Variants in ADAMTS5 observed in about 807,000 individuals in gnomAD.
The protein encoded by ADAMTS5 is A disintegrin and metalloproteinase with thrombospondin motifs 5.
ADAMTS5 carries 54 observed loss-of-function variants against 81.4 expected under a neutral mutation model. The observed-to-expected ratio is 0.66, with a 90% CI of 0.53 to 0.83. ADAMTS5 has a LOEUF of 0.83. Ranked by LOEUF, ADAMTS5 falls within the 40% of genes least tolerant of loss-of-function variation. ADAMTS5 has a pLI of 0.00. For missense variants in ADAMTS5, 1,194 were observed against 1,229.9 expected, an observed-to-expected ratio of 0.97 and a Z score of 0.44; for synonymous variants, 532 against 508.8, an observed-to-expected ratio of 1.05 and a Z score of -0.61.
chr21:26,945,768 C>T (rs998974857), intron 2 of ADAMTS5, among the ~76,000 whole-genome samples: 1 of 152,148 alleles, frequency 6.6e-6, no homozygotes, highest in Non-Finnish European at 1.5e-5. Flanking sequence ...CTTCTATGCT[C>T]CCCAAATTTG....
intron 3 of ADAMTS5, 150 bp downstream of exon 3, chr21:26,943,230 A>G (rs1422275468): frequency 2.5e-6 from 2 of 788,730 alleles, no homozygotes; most frequent in African/African-American, 1.8e-5. Context: ...ATACCCACAT[A>G]TGATCAATTT....
intron 2 of ADAMTS5, 56 bp from the exon 3 acceptor site, chr21:26,943,603 T>G (rs1024883660): frequency 2.2e-5 from 33 of 1,519,178 alleles, no homozygotes; most frequent in Non-Finnish European, 2.9e-5. Context: ...TTTCTATCTT[T>G]CCATGACAAT....
At chr21:26,934,398 A>C (rs930568555) in intron 4 of ADAMTS5, 68 bp downstream of exon 4, 2 of 1,581,828 alleles carry the variant, frequency 1.3e-6, no homozygotes, top group Admixed American at 1.7e-5. Flanking sequence ...AACAGTGCCC[A>C]TACCCATCAC....
chr21:26,944,028 TG>T (rs1987167055), intron 2 of ADAMTS5, among the ~76,000 whole-genome samples: 2 of 152,142 alleles, frequency 1.3e-5, no homozygotes, highest in Non-Finnish European at 1.5e-5. Flanking sequence ...AGATGGTTTT[TG>T]AATGTCAGTG....
intron 1 of ADAMTS5, 102 bp from the exon 2 acceptor site, chr21:26,954,973 T>C: frequency 2.9e-6 from 4 of 1,402,066 alleles, no homozygotes; most frequent in Non-Finnish European, 2.9e-6. Flanking sequence ...GGGATATGTT[T>C]ATGGTATCAC....
intron 2 of ADAMTS5, among the ~76,000 whole-genome samples, chr21:26,952,032 C>G (rs977540924): frequency 1.1e-4 from 16 of 152,078 alleles, no homozygotes; most frequent in Non-Finnish European, 1.9e-4. Context: ...GAATGAGAAC[C>G]AGATTCTTTT....
rs1275910415 is a variant in ADAMTS5, at chr21:26,966,371, G to A, written c.21C>T (p.Ser7=). MLLGWA[S]LLLCAFRLPL... is the part of the protein sequence containing the mutation. ...GCAGGCGGAACGCGCACAGCAGCAG[G>A]GACGCCCACCCGAGCAGCATAGTGC... Residue 7 remains serine, a synonymous_variant, in exon 1 of 8, where the codon TCC becomes TCT. Coordinates refer to ENST00000284987, the MANE Select transcript of ADAMTS5 (RefSeq NM_007038.5). 1 of 1,494,268 alleles carries A rather than the reference G, an allele frequency of 6.7e-7. No homozygotes were observed. The highest frequency in any genetic ancestry group is 8.8e-7 in the Non-Finnish European group (1 of 1,131,486). The allele number at this position is 1,494,268 out of a possible 1,614,324, so 92.6% of individuals were successfully genotyped here. A position where few individuals can be genotyped will look rare whatever the true frequency, so the allele number is the denominator to read the frequency against.
At position 26,920,134 on chromosome 21, in the gene ADAMTS5, A is replaced by G. The variant is rs1295190628; in HGVS notation, c.*3919T>C. The G allele has an allele frequency of 5.3e-5, 8 of 152,160 alleles. No individual in the cohort carries two copies. The highest frequency in any genetic ancestry group is 2.1e-4 in the South Asian group (1 of 4,832). 9.4% of individuals were successfully genotyped at this position (152,160 alleles called of 1,614,324 possible). On this transcript the variant is annotated 3_prime_UTR_variant, in exon 8 of 8. Coordinates refer to ENST00000284987, the MANE Select transcript of ADAMTS5 (RefSeq NM_007038.5). ...AATGTTATTTGACAGTGTGAACTCTATGTAACAGCACAAATTCTGGACTTT... is the reference window on the plus strand; with the variant it reads ...AATGTTATTTGACAGTGTGAACTCTGTGTAACAGCACAAATTCTGGACTTT...
chr21:26,954,653 T>C (rs1371420497), intron 2 of ADAMTS5, 86 bp downstream of exon 2: 1 of 1,549,006 alleles, frequency 6.5e-7, no homozygotes, highest in East Asian at 2.3e-5. Flanking sequence ...AGGAGAAATC[T>C]GGAATTAATT....
At chr21:26,927,659 A>AGAT (rs2123167355) in intron 7 of ADAMTS5, among the ~76,000 whole-genome samples, 1 of 152,300 alleles carries the variant, frequency 6.6e-6, no homozygotes, top group African/African-American at 2.4e-5. Context: ...AGTCTAAGTA[A>AGAT]GATGGAAGCC....
At position 26,966,557 on chromosome 21, in the gene ADAMTS5, G is replaced by A. The variant is rs1000440459; in HGVS notation, c.-166C>T. The A allele has an allele frequency of 4.9e-4, 272 of 559,704 alleles. No individual in the cohort carries two copies. Among genetic ancestry groups the A allele is most frequent in the Non-Finnish European group, 5.9e-4 (217 of 367,468 alleles). 34.7% of individuals were successfully genotyped at this position (559,704 alleles called of 1,614,324 possible). A position where few individuals can be genotyped will look rare whatever the true frequency, so the allele number is the denominator to read the frequency against. On this transcript the variant is annotated 5_prime_UTR_variant, in exon 1 of 8. Coordinates refer to ENST00000284987, the MANE Select transcript of ADAMTS5 (RefSeq NM_007038.5). ...CCGGCAGCAGCGCCAGCCTGTCCGG[G>A]CTGCGGTGCCAGCGTGCGAACTTTT...
At position 26,924,455 on chromosome 21, in the gene ADAMTS5, A is replaced by C. The variant is rs758514543; in HGVS notation, c.2391T>G (p.Thr797=). ...NGKYMISTSE[T]IIDINGTVMN... is the part of the protein sequence containing the mutation. ...TGACTGTTCCATTGATGTCAATGAT[A>C]GTCTCTGAAGTGGAGATCATGTACT... is the stretch of plus-strand genomic sequence containing the variant. Residue 797 remains threonine, a synonymous_variant, in exon 8 of 8, where the codon ACT becomes ACG. Transcript: ENST00000284987. 3.7e-6 allele frequency: 6 copies of C among 1,614,240 alleles called. No homozygotes were observed. The highest frequency in any genetic ancestry group is 5.1e-6 in the Non-Finnish European group (6 of 1,180,042).
chr21:26,957,935 C>A (rs577799035), intron 1 of ADAMTS5, among the ~76,000 whole-genome samples: 8 of 152,122 alleles, frequency 5.3e-5, no homozygotes, highest in African/African-American at 1.7e-4. Context: ...ATTTTGAAGC[C>A]GTAATAATAC....
chr21:26,965,855 C>T lies in ADAMTS5; in HGVS notation c.537G>A (p.Gly179=). 1.2e-6 allele frequency: 2 copies of T among 1,613,156 alleles called. No homozygotes were observed. Among genetic ancestry groups the T allele is most frequent in the South Asian group, 1.1e-5 (1 of 90,908 alleles). The part of the protein sequence containing the change: ...LRGPWAEEEK[G]RVYGDGSARI... ...GTGCGGACCCATCCCCGTACACGCG[C>T]CCCTTTTCTTCCTCCGCCCAGGGTC... is the stretch of plus-strand genomic sequence containing the variant. Residue 179 remains glycine (G), a synonymous_variant, in exon 1 of 8, where the codon GGG becomes GGA. Transcript: ENST00000284987.
At chr21:26,939,357 T>G (rs554805070) in intron 3 of ADAMTS5, among the ~76,000 whole-genome samples, 1 of 152,350 alleles carries the variant, frequency 6.6e-6, no homozygotes, top group South Asian at 2.1e-4. Context: ...TTAAACTATA[T>G]GTCTTATTTT....
chr21:26,936,618 A>C (rs908539746), intron 3 of ADAMTS5, among the ~76,000 whole-genome samples: 9 of 152,224 alleles, frequency 5.9e-5, no homozygotes, highest in African/African-American at 2.2e-4. Context: ...AATAAAGAGC[A>C]AAGTTCCTAT....
At chr21:26,954,412 C>T (rs1039923576) in intron 2 of ADAMTS5, among the ~76,000 whole-genome samples, 1 of 152,130 alleles carries the variant, frequency 6.6e-6, no homozygotes, top group African/African-American at 2.4e-5. Flanking sequence ...AGAAGGACAT[C>T]TCTGCATACC....
rs3838079 is a variant in ADAMTS5, at chr21:26,957,447, TGATAGATA to T, written c.1105-2584_1105-2577del. On this transcript the variant is annotated intron_variant, in intron 1 of 7. Coordinates refer to ENST00000284987, the MANE Select transcript of ADAMTS5 (RefSeq NM_007038.5). ...GTGTGTCTATAGATAGATGGATAGA[TGATAGATA>T]GATAGATAGATAGATAGATAGATAT... Among the ~76,000 whole-genome samples the T allele has an allele frequency of 6.6e-5, 10 of 150,472 alleles. 1 individual carries two copies. Among genetic ancestry groups the T allele is most frequent in the East Asian group, 4.0e-4 (2 of 5,038 alleles).
At position 26,965,764 on chromosome 21, in the gene ADAMTS5, C is replaced by A; in HGVS notation, c.628G>T (p.Glu210Ter). 6.3e-7 allele frequency: 1 copy of A among 1,599,638 alleles called. No individual in the cohort carries two copies. The highest frequency in any genetic ancestry group is 1.1e-5 in the South Asian group (1 of 88,880). Residue 210 changes from glutamate to a stop codon, truncating the protein, a stop_gained, in exon 1 of 8, where the codon GAA becomes TAA. Coordinates refer to ENST00000284987, the MANE Select transcript of ADAMTS5 (RefSeq NM_007038.5). LOFTEE classifies it high-confidence loss of function. ...GCCTCCGGTGTGGACGCGGGGGTTT[C>A]GCAGCTGGCGCGCGGCGGCAGGGCC... ...FEALPPRASC[E>*]TPASTPEAHE...
Sources: gnomAD v4.1 joint callset for allele counts (sites outside exome capture counted in the v4.1 genomes callset) on GRCh38, gnomAD v4.1.1 for gene constraint, MANE v1.5 for transcripts, NCBI Gene and HGNC (gene_info 2026-07-23, HGNC 2026-07-21) for gene names.